NBDY: variants seen among roughly 807,000 people sequenced by gnomAD.
The protein encoded by NBDY is negative regulator of P-body association, also known as P-body dissociating protein.
At position 56,729,385 on chromosome X, in the gene NBDY, C is replaced by T. The variant is rs1386330364; in HGVS notation, c.32C>T (p.Ser11Phe). 1 of 297,033 alleles carries T rather than the reference C, an allele frequency of 3.4e-6. No homozygotes were observed. Among genetic ancestry groups the T allele is most frequent in the Non-Finnish European group, 5.9e-6 (1 of 170,129 alleles). 24.5% of individuals were successfully genotyped at this position (297,033 alleles called of 1,213,427 possible). A position where few individuals can be genotyped will look rare whatever the true frequency, so the allele number is the denominator to read the frequency against. Residue 11 changes from serine to phenylalanine, a missense_variant, in exon 1 of 3, where the codon TCC becomes TTC. Coordinates refer to ENST00000374922, the MANE Select transcript of NBDY (RefSeq NM_001348129.2). ...GACCAACCTTGTGCCTCCGGGAGAT[C>T]CACTCTCCCACCTGGAAACGCACGG... MGDQPCASGRSTLPPGNAREA... is the reference protein window; with the variant it reads MGDQPCASGRFTLPPGNAREA...
At chrX:56,731,649 T>C (rs1003873621) in intron 1 of NBDY, among the ~76,000 whole-genome samples, 1 of 111,661 alleles carries the variant, frequency 9.0e-6, no homozygotes, top group African/African-American at 3.3e-5. Flanking sequence ...ATAAGTGCAG[T>C]AGCTACATAA....
chrX:56,786,691 C>G (rs1338116195), intron 2 of NBDY, among the ~76,000 whole-genome samples: 2 of 108,871 alleles, frequency 1.8e-5, no homozygotes, highest in African/African-American at 6.7e-5. Flanking sequence ...CCTCCTTTGC[C>G]TCTTCTTTTT....
rs200627636 is a variant in NBDY, at chrX:56,799,760, C to CA, written c.*167-17552dup. 1.1e-3 allele frequency among the ~76,000 whole-genome samples: 121 copies of CA among 112,119 alleles called. No individual in the cohort carries two copies. In the East Asian group the frequency reaches 0.014, roughly 13 times the overall value. On this transcript the variant is annotated intron_variant, in intron 2 of 2. Coordinates refer to ENST00000374922, the MANE Select transcript of NBDY (RefSeq NM_001348129.2). ...GCCAACCAAACAAAACAAACACACA[C>CA]AAAAAAAACAAAGAAACAAAGAAAC...
In NBDY at chrX:56,819,086, A is replaced by T. The variant is rs1346699462; in HGVS notation, c.*1933A>T. On this transcript the variant is annotated 3_prime_UTR_variant, in exon 3 of 3. Transcript: ENST00000374922. The stretch of plus-strand genomic sequence containing the variant: ...AAGACTCAAATATAAGGGTTACACT[A>T]TAAAACTCTTGGGAGGAAATATAGA... 3 of 110,863 alleles carry T rather than the reference A, an allele frequency of 2.7e-5. No individual in the cohort carries two copies. The highest frequency in any genetic ancestry group is 3.8e-5 in the Non-Finnish European group (2 of 52,930). The allele number at this position is 110,863 out of a possible 1,213,427, so 9.1% of individuals were successfully genotyped here.
intron 2 of NBDY, among the ~76,000 whole-genome samples, chrX:56,762,628 G>T (rs1262668146): frequency 9.0e-6 from 1 of 110,752 alleles, no homozygotes; most frequent in Non-Finnish European, 1.9e-5. Flanking sequence ...CCTTGAAGAC[G>T]ATCTAATAAT....
intron 2 of NBDY, among the ~76,000 whole-genome samples, chrX:56,787,081 A>G (rs1026963166): frequency 9.0e-6 from 1 of 111,320 alleles, no homozygotes; most frequent in African/African-American, 3.3e-5. Context: ...CAGTCCAGCC[A>G]TGTGAACACA....
chrX:56,787,495 A>G (rs1284340399), intron 2 of NBDY, among the ~76,000 whole-genome samples: 2 of 111,858 alleles, frequency 1.8e-5, no homozygotes, highest in African/African-American at 6.5e-5. Context: ...GGTGTGGGTC[A>G]TCATGCCATT....
intron 2 of NBDY, among the ~76,000 whole-genome samples, chrX:56,792,402 G>T (rs923387116): frequency 9.0e-6 from 1 of 110,867 alleles, no homozygotes; most frequent in Non-Finnish European, 1.9e-5. Context: ...GGATATCAGG[G>T]TGTGCAGGCA....
chrX:56,794,270 G>A (rs374029935), intron 2 of NBDY, among the ~76,000 whole-genome samples: 8 of 111,988 alleles, frequency 7.1e-5, no homozygotes, highest in Middle Eastern at 4.7e-3. Flanking sequence ...AAGTGTTTCC[G>A]CAGCCTGTTG....
intron 2 of NBDY, among the ~76,000 whole-genome samples, chrX:56,746,590 A>G (rs1328461441): frequency 9.0e-6 from 1 of 110,831 alleles, no homozygotes; most frequent in Non-Finnish European, 1.9e-5. Flanking sequence ...ATTCCTTTCT[A>G]GAGGCTCTGG....
intron 2 of NBDY, among the ~76,000 whole-genome samples, chrX:56,790,643 C>G (rs1349893626): frequency 8.9e-6 from 1 of 112,207 alleles, no homozygotes; most frequent in Non-Finnish European, 1.9e-5. Flanking sequence ...CTCTGAGTTT[C>G]AGAGGTCCTC....
intron 2 of NBDY, among the ~76,000 whole-genome samples, chrX:56,749,501 C>G (rs936780089): frequency 2.7e-5 from 3 of 111,165 alleles, no homozygotes; most frequent in African/African-American, 9.8e-5. Flanking sequence ...AATCGTGATA[C>G]CTACAAAAAC....
At chrX:56,789,806 G>A (rs934540781) in intron 2 of NBDY, among the ~76,000 whole-genome samples, 12 of 111,659 alleles carry the variant, frequency 1.1e-4, no homozygotes, top group African/African-American at 2.0e-4. Flanking sequence ...TCACTGGAAC[G>A]TGGTGGTTCA....
chrX:56,744,885 T>G (rs937571104), intron 2 of NBDY, among the ~76,000 whole-genome samples: 35 of 111,719 alleles, frequency 3.1e-4, no homozygotes, highest in Admixed American at 2.0e-3. Flanking sequence ...TATTACAATA[T>G]TCATAGTTTC....
chrX:56,731,328 G>T (rs2069456947), intron 1 of NBDY, among the ~76,000 whole-genome samples: 1 of 106,902 alleles, frequency 9.4e-6, no homozygotes, highest in Non-Finnish European at 1.9e-5. Flanking sequence ...TGCCGCTGAG[G>T]TGGGCAGATC....
intron 2 of NBDY, among the ~76,000 whole-genome samples, chrX:56,785,907 G>C (rs1358512268): frequency 9.0e-6 from 1 of 110,995 alleles, no homozygotes; most frequent in Non-Finnish European, 1.9e-5. Flanking sequence ...TGTTTGGGGA[G>C]GTCAGGAGCA....
chrX:56,735,963 T>TG (rs971804127), intron 2 of NBDY, among the ~76,000 whole-genome samples: 14 of 98,896 alleles, frequency 1.4e-4, no homozygotes, highest in Admixed American at 1.4e-3. Flanking sequence ...AAAAAAAAAA[T>TG]GGGGGGTGGT....
At chrX:56,766,930 G>A (rs1283264862) in intron 2 of NBDY, among the ~76,000 whole-genome samples, 3 of 112,595 alleles carry the variant, frequency 2.7e-5, no homozygotes, top group Non-Finnish European at 5.6e-5. Flanking sequence ...GTTGCTGAAT[G>A]TCCCCGCTGA....
chrX:56,811,625 C>G (rs1569293450), intron 2 of NBDY, among the ~76,000 whole-genome samples: 1 of 111,864 alleles, frequency 8.9e-6, no homozygotes, highest in Non-Finnish European at 1.9e-5. Context: ...TCCAGGGTCC[C>G]AGGTCAAGCT....
Sources: gnomAD v4.1 joint callset for allele counts (sites outside exome capture counted in the v4.1 genomes callset) on GRCh38, gnomAD v4.1.1 for gene constraint, MANE v1.5 for transcripts, NCBI Gene and HGNC (gene_info 2026-07-23, HGNC 2026-07-21) for gene names.